TMEM71: variants seen among roughly 807,000 people sequenced by gnomAD.
TMEM71 encodes transmembrane protein 71.
Under a neutral mutation model 38.0 loss-of-function variants are expected in TMEM71, and 44 were observed. The observed-to-expected ratio is 1.16, with a 90% CI of 0.91 to 1.49. The LOEUF (loss-of-function observed/expected upper bound fraction) is 1.49. Ranked by LOEUF, TMEM71 falls within the 40% of genes most tolerant of loss-of-function variation. The pLI is 0.00. For synonymous variants in TMEM71, 133 were observed against 122.5 expected (o/e 1.09, Z -0.56); for missense variants, 367 against 348.6 (o/e 1.05, Z -0.42).
chr8:132,774,577 C>T, the TMEM71 span, among the ~76,000 whole-genome samples: 2 of 152,204 alleles, frequency 1.3e-5, no homozygotes, highest in African/African-American at 4.8e-5. Context: ...TTGTATGCAA[C>T]GTTGCACTTG....
chr8:132,745,835 C>T (rs1828309172), intron 5 of TMEM71, among the ~76,000 whole-genome samples: 1 of 151,646 alleles, frequency 6.6e-6, no homozygotes, highest in Admixed American at 6.6e-5. Context: ...ACTACACAGC[C>T]ATTAAAAATA....
At chr8:132,718,188 T>C (rs1826637548) in intron 7 of TMEM71, among the ~76,000 whole-genome samples, 1 of 152,180 alleles carries the variant, frequency 6.6e-6, no homozygotes, top group South Asian at 2.1e-4. Flanking sequence ...ATTTTGTAAA[T>C]ATACTAAAAC....
intron 2 of TMEM71, among the ~76,000 whole-genome samples, chr8:132,757,724 G>C (rs533492537): frequency 3.9e-4 from 59 of 152,024 alleles, no homozygotes; most frequent in Non-Finnish European, 6.2e-4. Context: ...TACTGGGGAG[G>C]CTGAGGCAGG....
downstream of TMEM71, among the ~76,000 whole-genome samples, chr8:132,707,919 T>C (rs1005586217): frequency 6.6e-6 from 1 of 152,204 alleles, no homozygotes; most frequent in African/African-American, 2.4e-5. Context: ...ACCTCGTCTG[T>C]ATTCTTCACC....
rs758375827 is a variant in TMEM71, at chr8:132,751,785, C to A, written c.314G>T (p.Arg105Met). 15 of 1,612,834 alleles carry A rather than the reference C, an allele frequency of 9.3e-6. No homozygotes were observed. Among genetic ancestry groups the A allele is most frequent in the East Asian group, 2.2e-5 (1 of 44,890 alleles). Residue 105 changes from arginine (R) to methionine (M), a missense_variant and splice_region_variant, in exon 4 of 10, where the codon AGG becomes ATG. Transcript: ENST00000677595. ...TSVMYKENLV[R>M]IFRKKKRICH... ...TCTTTCTGTAATATGCTCTGCTTAC[C>A]TAACTAAGTTCTCCTTATACATAAC... is the stretch of plus-strand genomic sequence containing the variant.
At chr8:132,714,643 G>A (rs1826406928) in intron 7 of TMEM71, among the ~76,000 whole-genome samples, 1 of 152,142 alleles carries the variant, frequency 6.6e-6, no homozygotes, top group African/African-American at 2.4e-5. Flanking sequence ...ATATGACCTT[G>A]CATTTGGCAA....
At chr8:132,748,004 A>G (rs1339448746) in intron 4 of TMEM71, among the ~76,000 whole-genome samples, 1 of 152,170 alleles carries the variant, frequency 6.6e-6, no homozygotes, top group African/African-American at 2.4e-5. Flanking sequence ...GGGTTAATCG[A>G]AGTGCACAGG....
chr8:132,732,418 G>C (rs1318950782), intron 5 of TMEM71, among the ~76,000 whole-genome samples: 1 of 152,152 alleles, frequency 6.6e-6, no homozygotes, highest in Non-Finnish European at 1.5e-5. Context: ...TGGGTTCCCA[G>C]AAGAGTCCTC....
chr8:132,764,552 G>A (rs1829340691), upstream of TMEM71, among the ~76,000 whole-genome samples: 1 of 152,142 alleles, frequency 6.6e-6, no homozygotes, highest in Non-Finnish European at 1.5e-5. Flanking sequence ...CAGCCTCATT[G>A]TTCCCTCAAC....
rs796756774 is a variant in TMEM71, at chr8:132,721,539, C to CT, written c.752+500dup. Among the ~76,000 whole-genome samples the CT allele has an allele frequency of 7.9e-3, 1,094 of 138,972 alleles. 6 individuals carry two copies. The highest frequency in any genetic ancestry group is 0.011 in the Middle Eastern group (3 of 264). The allele number at this position is 138,972 out of a possible 152,430, so 91.2% of individuals were successfully genotyped here. ...ATGCTTTCTAGGTGGTTTTCTTTTT[C>CT]TTTTTTTTTTGTCTTTTTTTTTTTT... is the stretch of plus-strand genomic sequence containing the variant. On this transcript the variant is annotated intron_variant, in intron 7 of 9. Transcript: ENST00000677595.
At chr8:132,736,529 T>G (rs1167997148) in intron 5 of TMEM71, among the ~76,000 whole-genome samples, 1 of 152,132 alleles carries the variant, frequency 6.6e-6, no homozygotes, top group East Asian at 1.9e-4. Flanking sequence ...TGTTGTATTC[T>G]TGAAAATTGC....
intron 6 of TMEM71, among the ~76,000 whole-genome samples, chr8:132,724,334 G>C (rs1455231399): frequency 6.6e-6 from 1 of 152,162 alleles, no homozygotes; most frequent in African/African-American, 2.4e-5. Context: ...GCATAGGACA[G>C]ACACTCCCAG....
chr8:132,728,430 C>T (rs1256027505), intron 5 of TMEM71, among the ~76,000 whole-genome samples: 1 of 152,152 alleles, frequency 6.6e-6, no homozygotes, highest in Non-Finnish European at 1.5e-5. Context: ...ATGAGAAAGA[C>T]CCATCACCAT....
chr8:132,734,753 A>C (rs1181346525), intron 5 of TMEM71, among the ~76,000 whole-genome samples: 1 of 152,168 alleles, frequency 6.6e-6, no homozygotes, highest in Admixed American at 6.5e-5. Context: ...CTTAATAACA[A>C]ATAAAAGGAT....
chr8:132,762,893 C>A (rs1829321017), upstream of TMEM71, among the ~76,000 whole-genome samples: 4 of 152,202 alleles, frequency 2.6e-5, no homozygotes, highest in South Asian at 8.3e-4. Flanking sequence ...AAAATAAGTG[C>A]AATTGTTATC....
chr8:132,758,608 T>TA lies in TMEM71; in HGVS notation c.40+231dup, dbSNP rs566382499. ...CCTTTCACATTTATGCACAGGCATCTAAAAAAAAACGGTGATTTTTTTTTT... is the reference window on the plus strand; with the variant it reads ...CCTTTCACATTTATGCACAGGCATCTAAAAAAAAAACGGTGATTTTTTTTTT... On this transcript the variant is annotated intron_variant, in intron 2 of 9. Transcript: ENST00000677595. 2,240 of 483,178 alleles carry TA rather than the reference T, an allele frequency of 4.6e-3. 18 individuals carry two copies. The highest frequency in any genetic ancestry group is 0.02 in the African/African-American group (949 of 46,614). The allele number at this position is 483,178 out of a possible 1,614,324, so 29.9% of individuals were successfully genotyped here. A position where few individuals can be genotyped will look rare whatever the true frequency, so the allele number is the denominator to read the frequency against.
intron 5 of TMEM71, among the ~76,000 whole-genome samples, chr8:132,740,138 C>T (rs1827959455): frequency 6.6e-6 from 1 of 151,706 alleles, no homozygotes; most frequent in South Asian, 2.1e-4. Flanking sequence ...CCCACAGCTC[C>T]CCTTGTTCTT....
chr8:132,729,853 A>G (rs1192069671), intron 5 of TMEM71, among the ~76,000 whole-genome samples: 1 of 152,210 alleles, frequency 6.6e-6, no homozygotes, highest in Non-Finnish European at 1.5e-5. Flanking sequence ...AAATCTGCCC[A>G]CTAGTTCTAG....
At chr8:132,765,574 T>A (rs1238082196), upstream of TMEM71, among the ~76,000 whole-genome samples, 1 of 152,108 alleles carries the variant, frequency 6.6e-6, no homozygotes, top group Non-Finnish European at 1.5e-5. Flanking sequence ...CCTCTGCTTC[T>A]TGTCCATCTT....
Sources: allele counts gnomAD v4.1 joint callset (sites outside exome capture counted in the v4.1 genomes callset), GRCh38; gene constraint gnomAD v4.1.1; transcripts MANE v1.5; gene names NCBI Gene and HGNC (gene_info 2026-07-23, HGNC 2026-07-21).